The following CACNA1B variants were observed in gnomAD, a reference collection of about 807,000 sequenced individuals.
The protein encoded by CACNA1B is calcium voltage-gated channel subunit alpha1 B.
In CACNA1B, 70 loss-of-function variants were observed where a neutral mutation model predicts 247.2. The ratio of observed to expected loss-of-function variants is 0.28; its 90% CI spans 0.23 to 0.35. The LOEUF (loss-of-function observed/expected upper bound fraction) is 0.35, where lower values mean the gene tolerates loss of function less well. Ranked by LOEUF, CACNA1B falls within the 10% of genes least tolerant of loss-of-function variation. The pLI, the probability that CACNA1B is intolerant of heterozygous loss-of-function variation, is 1.00. For missense variants in CACNA1B, 2,367 were observed against 3,197.4 expected (o/e 0.74, Z 6.26); for synonymous variants, 1,231 against 1,294.4 (o/e 0.95, Z 1.05).
chr9:137,955,482 G>A lies in CACNA1B; in HGVS notation c.1071-216G>A, dbSNP rs1364561525. On this transcript the variant is annotated intron_variant, in intron 7 of 46. Coordinates refer to ENST00000371372, the MANE Select transcript of CACNA1B (RefSeq NM_000718.4). The surrounding 1 kb of genome is among the most constrained non-coding windows in gnomAD (Gnocchi z 6.9). ...AGGGCCACCTGGGCTGCTCATGGAG[G>A]CCCTCTGGGTGCCCAGGGAGCTGTC... 6.6e-6 allele frequency among the ~76,000 whole-genome samples: 1 copy of A among 152,210 alleles called. No individual in the cohort carries two copies. The highest frequency in any genetic ancestry group is 1.9e-4 in the East Asian group (1 of 5,174).
intron 5 of CACNA1B, among the ~76,000 whole-genome samples, chr9:137,916,774 G>C (rs542515862): frequency 1.3e-5 from 2 of 152,108 alleles, no homozygotes; most frequent in African/African-American, 4.8e-5. Context: ...GGAGAGGAAC[G>C]GTCCTCGTGG....
chr9:138,051,708 C>T lies in CACNA1B; in HGVS notation c.3711-384C>T, dbSNP rs566854621. Among the ~76,000 whole-genome samples the T allele has an allele frequency of 6.6e-6, 1 of 152,270 alleles. No individual in the cohort carries two copies. The highest frequency in any genetic ancestry group is 6.5e-5 in the Admixed American group (1 of 15,300). On this transcript the variant is annotated intron_variant, in intron 24 of 46. Transcript: ENST00000371372. This position sits in a 1 kb window ranked among gnomAD's most constrained non-coding sequence, Gnocchi z 4.3. ...CCAAAAAGCAAGGAAAAAAGCCCTT[C>T]CAGAAGATTCTCGCCCTAGAAACGT...
In CACNA1B at chr9:138,054,628, G is replaced by A. The variant is rs1959426495; in HGVS notation, c.3968+622G>A. 6.6e-6 allele frequency among the ~76,000 whole-genome samples: 1 copy of A among 152,224 alleles called. No homozygotes were observed. Among genetic ancestry groups the A allele is most frequent in the Non-Finnish European group, 1.5e-5 (1 of 68,036 alleles). ...GATGGGCACTTGGCTGTTTGCAGCT[G>A]GGAATGCTGCACGTGCACACGTCCG... On this transcript the variant is annotated intron_variant, in intron 26 of 46. Transcript: ENST00000371372. This position sits in a 1 kb window ranked among gnomAD's most constrained non-coding sequence, Gnocchi z 4.6.
At chr9:137,910,084 T>G (rs1274347424) in intron 3 of CACNA1B, among the ~76,000 whole-genome samples, 2 of 152,196 alleles carry the variant, frequency 1.3e-5, no homozygotes, top group African/African-American at 4.8e-5. Context: ...AATAGCTATC[T>G]TAGTGAGTAT....
At chr9:137,921,667 C>T (rs532193148) in intron 6 of CACNA1B, among the ~76,000 whole-genome samples, 1 of 145,508 alleles carries the variant, frequency 6.9e-6, no homozygotes, top group Non-Finnish European at 1.5e-5. Flanking sequence ...GCACAGCATC[C>T]TGGGAGCAGA....
Position 137,990,235 on chromosome 9 carries a change from C to A in CACNA1B, c.1974+3381C>A, listed in dbSNP as rs1958416470. Among the ~76,000 whole-genome samples the A allele has an allele frequency of 6.6e-6, 1 of 152,034 alleles. No individual in the cohort carries two copies. The highest frequency in any genetic ancestry group is 2.4e-5 in the African/African-American group (1 of 41,356). On this transcript the variant is annotated intron_variant, in intron 15 of 46. Coordinates refer to ENST00000371372, the MANE Select transcript of CACNA1B (RefSeq NM_000718.4). The surrounding 1 kb of genome is among the most constrained non-coding windows in gnomAD (Gnocchi z 4.5). ...ACCTGTATGACTAATGGCCTTAATC[C>A]TCCTGGGAACATAACTCCATTGGAC...
chr9:137,984,075 A>G, intron 12 of CACNA1B, 63 bp from the exon 13 acceptor site: 1 of 1,218,442 alleles, frequency 8.2e-7, no homozygotes, highest in South Asian at 1.3e-5. Flanking sequence ...GTGTGCACAC[A>G]CATCCATCTG....
intron 10 of CACNA1B, among the ~76,000 whole-genome samples, chr9:137,966,925 G>C (rs1393022538): frequency 6.6e-6 from 1 of 150,930 alleles, no homozygotes; most frequent in East Asian, 1.9e-4. Context: ...GAGTAGCTGG[G>C]ACTATAGGTG....
intron 12 of CACNA1B, among the ~76,000 whole-genome samples, chr9:137,982,823 T>C (rs1958309383): frequency 6.6e-6 from 1 of 152,216 alleles, no homozygotes; most frequent in East Asian, 1.9e-4. Context: ...CAATTTGTTG[T>C]ATTGATAGGG....
intron 6 of CACNA1B, among the ~76,000 whole-genome samples, chr9:137,938,926 C>T (rs1229627325): frequency 1.3e-5 from 2 of 152,002 alleles, no homozygotes; most frequent in East Asian, 3.9e-4. Context: ...TACAAAATAG[C>T]CAGGTGTGGT....
chr9:137,908,992 C>CT (rs35407113), intron 3 of CACNA1B, among the ~76,000 whole-genome samples: 8,792 of 134,970 alleles, frequency 0.065, 306 homozygotes, highest in Non-Finnish European at 0.072. Context: ...CTGTTTTAAC[C>CT]TTTTTTTTTT....
chr9:138,115,762 A>C (rs1463449171), intron 42 of CACNA1B, 83 bp downstream of exon 42: 1 of 1,408,920 alleles, frequency 7.1e-7, no homozygotes, highest in East Asian at 2.4e-5. Flanking sequence ...CATTTCCTCA[A>C]CCTCCCTGGC....
intron 36 of CACNA1B, among the ~76,000 whole-genome samples, chr9:138,095,208 T>G (rs1160340646): frequency 6.6e-6 from 1 of 152,202 alleles, no homozygotes. Flanking sequence ...AATCACATAT[T>G]TAATAAGGGG....
chr9:138,108,497 AG>A (rs1379383927), intron 39 of CACNA1B, among the ~76,000 whole-genome samples: 1 of 152,188 alleles, frequency 6.6e-6, no homozygotes, highest in Non-Finnish European at 1.5e-5. Context: ...AAGTGGAAAA[AG>A]GGAATATTTT....
chr9:138,084,024 CT>C (rs1399097649), intron 36 of CACNA1B, among the ~76,000 whole-genome samples: 2 of 150,954 alleles, frequency 1.3e-5, no homozygotes, highest in Non-Finnish European at 2.9e-5. Flanking sequence ...CAGAGCACCC[CT>C]TCTTCCTGAA....
intron 20 of CACNA1B, among the ~76,000 whole-genome samples, chr9:138,036,050 C>T (rs1959038835): frequency 1.3e-5 from 2 of 152,022 alleles, no homozygotes; most frequent in Admixed American, 1.3e-4. Context: ...TTCTGTTATT[C>T]CTTTTCATAT....
chr9:137,900,985 T>C (rs1347305304), intron 3 of CACNA1B, among the ~76,000 whole-genome samples: 1 of 150,306 alleles, frequency 6.7e-6, no homozygotes, highest in East Asian at 2.0e-4. Context: ...TCTGTGTCTG[T>C]GTCCCTGTGT....
At chr9:138,120,060 G>C (rs573649169) in intron 44 of CACNA1B, 105 bp from the exon 45 acceptor site, 3 of 923,086 alleles carry the variant, frequency 3.2e-6, no homozygotes, top group Admixed American at 2.4e-5. Context: ...AGGATGGGGG[G>C]CGTGTGGGCC....
chr9:137,906,420 G>C (rs867295392), intron 3 of CACNA1B, among the ~76,000 whole-genome samples: 2 of 152,302 alleles, frequency 1.3e-5, no homozygotes, highest in Middle Eastern at 3.4e-3. Flanking sequence ...TGCAGGAGCT[G>C]TTCACTGTCT....
Sources: allele counts gnomAD v4.1 joint callset (sites outside exome capture counted in the v4.1 genomes callset), GRCh38; gene constraint gnomAD v4.1.1; non-coding constraint Gnocchi (gnomAD v3.1); transcripts MANE v1.5; gene names NCBI Gene and HGNC (gene_info 2026-07-23, HGNC 2026-07-21).